Variants in RIPOR2 observed in about 807,000 individuals in gnomAD.
RIPOR2 encodes the protein RHO family interacting cell polarization regulator 2.
A neutral mutation model predicts 114.5 loss-of-function variants in RIPOR2; 39 were observed. That is an observed-to-expected ratio of 0.34 (90% confidence interval 0.26 to 0.44). The LOEUF (loss-of-function observed/expected upper bound fraction) is 0.44, where lower values mean the gene tolerates loss of function less well. Ranked by LOEUF, RIPOR2 falls within the 20% of genes least tolerant of loss-of-function variation. The pLI is 1.00. For missense variants in RIPOR2, 1,007 were observed against 1,255.1 expected, an observed-to-expected ratio of 0.80 and a Z score of 2.99; for synonymous variants, 445 against 484.4, an observed-to-expected ratio of 0.92 and a Z score of 1.07.
At chr6:24,873,899 A>C (rs1765457398) in intron 2 of RIPOR2, 100 bp from the exon 3 acceptor site, 1 of 1,037,160 alleles carries the variant, frequency 9.6e-7, no homozygotes, top group Admixed American at 2.6e-5. Context: ...TTAGAGACAA[A>C]GTCTTCTTCT....
chr6:25,015,884 G>T (rs1263478232), intron 1 of RIPOR2: 1 of 120,054 alleles, frequency 8.3e-6, no homozygotes, highest in Admixed American at 9.1e-5. Flanking sequence ...CCTTAAAAAC[G>T]CAGGTTTTTT....
At chr6:24,990,610 A>G (rs1165333439) in intron 1 of RIPOR2, among the ~76,000 whole-genome samples, 1 of 152,230 alleles carries the variant, frequency 6.6e-6, no homozygotes, top group African/African-American at 2.4e-5. Flanking sequence ...GTTTAAACTT[A>G]TCTGTATAAT....
chr6:24,930,677 G>T (rs1771318356), intron 1 of RIPOR2, among the ~76,000 whole-genome samples: 1 of 152,196 alleles, frequency 6.6e-6, no homozygotes, highest in South Asian at 2.1e-4. Flanking sequence ...GTCTTTGTCT[G>T]CTCCAGACCC....
chr6:24,907,520 AAAAAC>A (rs1267372639), intron 1 of RIPOR2, among the ~76,000 whole-genome samples: 4 of 152,212 alleles, frequency 2.6e-5, no homozygotes, highest in African/African-American at 9.6e-5. Flanking sequence ...ACTGTGACCA[AAAAAC>A]AAAACAAAAC....
In RIPOR2 at chr6:24,898,033, A is replaced by AGAAG. The variant is rs374743789; in HGVS notation, c.62-22220_62-22217dup. On this transcript the variant is annotated intron_variant, in intron 1 of 21. Transcript: ENST00000643898. The stretch of plus-strand genomic sequence containing the variant: ...AGCCAGACCCTGAAGAAAGAAAGAA[A>AGAAG]GAAGGAAGGAAGGAAGGAAGGAAAG... Among the ~76,000 whole-genome samples the AGAAG allele has an allele frequency of 8.4e-4, 128 of 151,796 alleles. 1 individual carries two copies. The highest frequency in any genetic ancestry group is 6.8e-3 in the Middle Eastern group (2 of 292).
Position 24,843,228 on chromosome 6 carries a change from A to T in RIPOR2, c.1491T>A (p.Ala497=), listed in dbSNP as rs1249076289. The change falls in exon 13 of 22, where the codon GCT becomes GCA. Residue 497 remains alanine, a synonymous_variant. Transcript: ENST00000643898. The stretch of plus-strand genomic sequence containing the variant: ...CAGCACCTGAGGACTGTCGGCGGCA[A>T]GCCTCAGATGGGGCCGAGGCAGGTT... The part of the protein sequence containing the change: ...PRKPASAPSE[A]CRRQSSGAGA... 1 of 1,614,020 alleles carries T rather than the reference A, an allele frequency of 6.2e-7. No homozygotes were observed. Among genetic ancestry groups the T allele is most frequent in the East Asian group, 2.2e-5 (1 of 44,882 alleles).
intron 15 of RIPOR2, 122 bp downstream of exon 15, chr6:24,835,581 A>G: frequency 8.9e-7 from 1 of 1,128,748 alleles, no homozygotes; most frequent in South Asian, 1.5e-5. Flanking sequence ...GGCTCAAACC[A>G]CAGCAAGACT....
At chr6:24,964,032 T>C (rs2114226240) in intron 1 of RIPOR2, among the ~76,000 whole-genome samples, 1 of 152,202 alleles carries the variant, frequency 6.6e-6, no homozygotes, top group East Asian at 1.9e-4. Flanking sequence ...GCTAGGACTA[T>C]AGGTGCTCAC....
chr6:24,850,838 C>A, intron 9 of RIPOR2, 116 bp from the exon 10 acceptor site: 1 of 1,156,074 alleles, frequency 8.6e-7, no homozygotes, highest in East Asian at 2.3e-5. Context: ...TTCTCCCTTA[C>A]TCTCCCTCCA....
chr6:24,878,333 C>G (rs1766003855), intron 1 of RIPOR2, among the ~76,000 whole-genome samples: 1 of 152,150 alleles, frequency 6.6e-6, no homozygotes, highest in East Asian at 1.9e-4. Context: ...GCCATGCAAA[C>G]TTGTAATAAA....
rs34572978 is a variant in RIPOR2 at position 25,005,738 on chromosome 6, T to TATATATATATATATACATAC, written c.76+36112_76+36113insGTATGTATATATATATATAT. ...ATATATATATATATATATATATATA[T>TATATATATATATATACATAC]ATACATTTACCGATCAAAAGATATG... is the stretch of plus-strand genomic sequence containing the variant. On this transcript the variant is annotated intron_variant, in intron 1 of 13. Transcript: ENST00000510784. Among the ~76,000 whole-genome samples, 107 of 70,698 alleles carry TATATATATATATATACATAC rather than the reference T, an allele frequency of 1.5e-3. 11 individuals carry two copies. Among genetic ancestry groups the TATATATATATATATACATAC allele is most frequent in the Non-Finnish European group, 3.2e-3 (95 of 30,024 alleles). The allele number at this position is 70,698 out of a possible 152,430, so 46.4% of individuals were successfully genotyped here.
chr6:25,011,747 A>G (rs186391135), intron 1 of RIPOR2, among the ~76,000 whole-genome samples: 3 of 152,366 alleles, frequency 2.0e-5, no homozygotes, highest in African/African-American at 4.8e-5. Flanking sequence ...TGGACCGTAG[A>G]CCCAAATGTC....
intron 13 of RIPOR2, among the ~76,000 whole-genome samples, chr6:24,841,337 A>G (rs759172573): frequency 3.3e-5 from 5 of 152,210 alleles, no homozygotes; most frequent in Non-Finnish European, 7.3e-5. Context: ...AGCAGCCTGC[A>G]TATACAAGCC....
At chr6:25,009,301 C>T (rs751971655) in intron 1 of RIPOR2, among the ~76,000 whole-genome samples, 3 of 152,222 alleles carry the variant, frequency 2.0e-5, no homozygotes, top group African/African-American at 7.2e-5. Context: ...CAACCTTTAT[C>T]TTGATTAGCA....
At chr6:25,026,047 T>TG (rs1033939675) in intron 1 of RIPOR2, among the ~76,000 whole-genome samples, 1 of 143,062 alleles carries the variant, frequency 7.0e-6, no homozygotes, top group African/African-American at 2.9e-5. Context: ...AGATTGTTGT[T>TG]TTTTTTTTTT....
At chr6:24,906,142 A>G (rs1768968713) in intron 1 of RIPOR2, among the ~76,000 whole-genome samples, 1 of 152,062 alleles carries the variant, frequency 6.6e-6, no homozygotes, top group Non-Finnish European at 1.5e-5. Flanking sequence ...TTCTTATCTG[A>G]CCTTCCTTGC....
intron 12 of RIPOR2, chr6:24,847,586 G>A (rs566638917): frequency 1.3e-5 from 20 of 1,551,602 alleles, no homozygotes; most frequent in Non-Finnish European, 1.7e-5. Flanking sequence ...AGGGAGGGCA[G>A]GTCACTGAAG....
chr6:24,869,396 C>T (rs1764940366), intron 5 of RIPOR2, among the ~76,000 whole-genome samples: 1 of 150,922 alleles, frequency 6.6e-6, no homozygotes, highest in African/African-American at 2.4e-5. Context: ...GAGCTCACTG[C>T]AACCTTTGCC....
At position 24,843,458 on chromosome 6, in the gene RIPOR2, C is replaced by A; in HGVS notation, c.1261G>T (p.Ala421Ser). ...GAGCCTGTTGAGTGGGAGGTGAGGG[C>A]GCAGTCCCCGTTGGGCAGGTCACTG... ...SFSDLPNGDC[A>S]LTSHSTGSPS... is the part of the protein sequence containing the mutation. The change falls in exon 13 of 22, where the codon GCC becomes TCC. Residue 421 changes from alanine to serine, a missense_variant. Physicochemically the swap from Ala to Ser is moderately conservative, Grantham distance 99. Transcript: ENST00000643898. 5 of 1,609,578 alleles carry A rather than the reference C, an allele frequency of 3.1e-6. No individual in the cohort carries two copies. The East Asian group carries it at 6.7e-5, about 22-fold the overall frequency.
Sources: allele counts gnomAD v4.1 joint callset (sites outside exome capture counted in the v4.1 genomes callset), GRCh38; gene constraint gnomAD v4.1.1; transcripts MANE v1.5; gene names NCBI Gene and HGNC (gene_info 2026-07-23, HGNC 2026-07-21).